Variants in CYTIP observed in about 807,000 individuals in gnomAD.
CYTIP encodes cytohesin 1 interacting protein.
In CYTIP, 26 loss-of-function variants were observed where a neutral mutation model predicts 43.8. The ratio of observed to expected loss-of-function variants is 0.59; its 90% CI spans 0.44 to 0.82. CYTIP has a LOEUF of 0.82. CYTIP is among the 40% of genes least tolerant of loss of function. The pLI is 0.00. For missense variants in CYTIP, 426 were observed against 443.1 expected (o/e 0.96, Z 0.35); for synonymous variants, 162 against 162.9 (o/e 0.99, Z 0.04).
At chr2:157,422,387 G>A (rs1011325881) in intron 6 of CYTIP, among the ~76,000 whole-genome samples, 2 of 152,154 alleles carry the variant, frequency 1.3e-5, no homozygotes, top group Non-Finnish European at 2.9e-5. Flanking sequence ...AGTGTTCAAG[G>A]CCAGGTGCGG....
At position 157,415,538 on chromosome 2, in the gene CYTIP, C is replaced by T. The variant is rs868070452; in HGVS notation, c.*139G>A. 8.5e-5 allele frequency: 54 copies of T among 635,532 alleles called. No individual in the cohort carries two copies. The African/African-American group carries it at 9.4e-4, about 11-fold the overall frequency. The allele number at this position is 635,532 out of a possible 1,614,324, so 39.4% of individuals were successfully genotyped here. On this transcript the variant is annotated 3_prime_UTR_variant, in exon 8 of 8. Coordinates refer to ENST00000264192, the MANE Select transcript of CYTIP (RefSeq NM_004288.5). ...TTAAGAAGCATAAACTATAACACAA[C>T]AATTTAAATAAAGGTCACTATTGCT...
intron 5 of CYTIP, 103 bp from the exon 6 acceptor site, chr2:157,427,523 T>C (rs970640324): frequency 4.0e-6 from 3 of 751,320 alleles, no homozygotes; most frequent in Non-Finnish European, 5.9e-6. Flanking sequence ...TTTGAGCACA[T>C]ACTATACTAA....
intron 1 of CYTIP, among the ~76,000 whole-genome samples, chr2:157,437,926 G>A (rs1449431310): frequency 1.3e-5 from 2 of 152,114 alleles, no homozygotes; most frequent in South Asian, 2.1e-4. Flanking sequence ...CTGTTAGTGG[G>A]AATGTAAATT....
rs187415587 is a variant in CYTIP, at chr2:157,418,657, A to T, written c.547-68T>A. The T allele has an allele frequency of 1.4e-5, 20 of 1,394,058 alleles. No homozygotes were observed. In the African/African-American group the frequency reaches 3.0e-4, roughly 21 times the overall value. The allele number at this position is 1,394,058 out of a possible 1,614,324, so 86.4% of individuals were successfully genotyped here. On this transcript the variant is annotated intron_variant, in intron 6 of 7. Coordinates refer to ENST00000264192, the MANE Select transcript of CYTIP (RefSeq NM_004288.5). ...AAACCCCAGTGAAGCTAGCAATTTAATTCTAGGTGTTGAGATTTGTCATTA... is the reference window on the plus strand; with the variant it reads ...AAACCCCAGTGAAGCTAGCAATTTATTTCTAGGTGTTGAGATTTGTCATTA...
intron 1 of CYTIP, among the ~76,000 whole-genome samples, chr2:157,442,862 T>C (rs1685939909): frequency 6.6e-6 from 1 of 152,168 alleles, no homozygotes; most frequent in South Asian, 2.1e-4. Flanking sequence ...CATGCAAGAC[T>C]TAAGCGCAAA....
intron 3 of CYTIP, 112 bp from the exon 4 acceptor site, chr2:157,431,074 G>T (rs1004000344): frequency 8.5e-6 from 7 of 822,644 alleles, no homozygotes; most frequent in Non-Finnish European, 1.3e-5. Context: ...AAGTTCAAAG[G>T]ACAAAGGATT....
intron 6 of CYTIP, among the ~76,000 whole-genome samples, chr2:157,426,275 G>T (rs1342547457): frequency 1.3e-5 from 2 of 152,122 alleles, no homozygotes; most frequent in African/African-American, 4.8e-5. Context: ...AGTGAGAAAA[G>T]TGAAAGCCAT....
Position 157,416,088 on chromosome 2 carries a change from C to T in CYTIP, c.669G>A (p.Leu223=). Residue 223 remains leucine (L), a synonymous_variant, in exon 8 of 8, where the codon TTG becomes TTA. Coordinates refer to ENST00000264192, the MANE Select transcript of CYTIP (RefSeq NM_004288.5). ...GGCCTGGCCCAGGCAGGGGTCCAAA[C>T]AAAGACAATTCATCCAAGTCCATGT... ...LENMDLDELS[L]FGPLPGPGPA... 1.2e-6 allele frequency: 2 copies of T among 1,613,904 alleles called. No homozygotes were observed. Among genetic ancestry groups the T allele is most frequent in the Non-Finnish European group, 1.7e-6 (2 of 1,179,930 alleles).
chr2:157,442,665 C>A (rs1057448355), intron 1 of CYTIP, among the ~76,000 whole-genome samples: 5 of 152,118 alleles, frequency 3.3e-5, no homozygotes, highest in Non-Finnish European at 7.4e-5. Flanking sequence ...AACTTTGTAT[C>A]ATAAAAGCAC....
At chr2:157,443,730 TCAGC>T in intron 1 of CYTIP, 113 bp downstream of exon 1, 2 of 1,107,842 alleles carry the variant, frequency 1.8e-6, no homozygotes, top group Non-Finnish European at 2.5e-6. Flanking sequence ...CCCATAATAA[TCAGC>T]CAGTAATTCC....
chr2:157,424,485 A>T (rs933912751), intron 6 of CYTIP, among the ~76,000 whole-genome samples: 1 of 152,164 alleles, frequency 6.6e-6, no homozygotes, highest in Non-Finnish European at 1.5e-5. Flanking sequence ...ATAAAAAAAC[A>T]GAATACCATA....
intron 5 of CYTIP, 51 bp downstream of exon 5, chr2:157,430,508 A>C (rs754659685): frequency 6.7e-7 from 1 of 1,503,120 alleles, no homozygotes; most frequent in Admixed American, 1.7e-5. Flanking sequence ...ATCAGGCTTT[A>C]TGAGAAAACA....
At chr2:157,434,505 T>G in intron 2 of CYTIP, 81 bp from the exon 3 acceptor site, 2 of 1,165,014 alleles carry the variant, frequency 1.7e-6, no homozygotes, top group Non-Finnish European at 2.5e-6. Context: ...TAAAAATAAC[T>G]GTCACAATTA....
chr2:157,431,018 C>G, intron 3 of CYTIP, 56 bp from the exon 4 acceptor site: 1 of 1,417,254 alleles, frequency 7.1e-7, no homozygotes, highest in Non-Finnish European at 9.7e-7. Context: ...CATCTATTTG[C>G]CAAAATTTAA....
At chr2:157,427,467 C>T (rs371851385) in intron 5 of CYTIP, 47 bp from the exon 6 acceptor site, 7 of 1,412,776 alleles carry the variant, frequency 5.0e-6, no homozygotes, top group Non-Finnish European at 6.8e-6. Context: ...GAGTGAGTAA[C>T]ATGAGTGATT....
chr2:157,422,247 G>A (rs1685532805), intron 6 of CYTIP, among the ~76,000 whole-genome samples: 4 of 152,218 alleles, frequency 2.6e-5, no homozygotes, highest in Admixed American at 1.3e-4. Flanking sequence ...TTGTGCTGAA[G>A]GGAGAGGCTA....
intron 6 of CYTIP, 145 bp downstream of exon 6, chr2:157,427,206 T>C (rs1292796971): frequency 1.6e-6 from 1 of 641,230 alleles, no homozygotes; most frequent in East Asian, 2.8e-5. Flanking sequence ...CAAAGGTAAT[T>C]GTGCGGCTCT....
Position 157,415,688 on chromosome 2 carries a change from T to C in CYTIP, c.1069A>G (p.Ser357Gly). 1 of 1,606,740 alleles carries C rather than the reference T, an allele frequency of 6.2e-7. No individual in the cohort carries two copies. The highest frequency in any genetic ancestry group is 1.1e-5 in the South Asian group (1 of 90,384). ...GLHRAVEEEESRF is the reference protein window; with the variant it reads ...GLHRAVEEEEGRF ...GACACCACAATCCGTCAAAAGCGAC[T>C]TTCTTCCTCTTCCACAGCACGATGA... Residue 357 changes from serine (S) to glycine (G), a missense_variant, in exon 8 of 8, where the codon AGT becomes GGT. Ser to Gly is a moderately conservative substitution (Grantham distance 56). Transcript: ENST00000264192.
At chr2:157,429,948 G>A (rs1201624093) in intron 5 of CYTIP, among the ~76,000 whole-genome samples, 1 of 151,714 alleles carries the variant, frequency 6.6e-6, no homozygotes, top group Non-Finnish European at 1.5e-5. Context: ...GCGTGAACCT[G>A]GGAGGCAGAG....
Sources: allele counts gnomAD v4.1 joint callset (sites outside exome capture counted in the v4.1 genomes callset), GRCh38; gene constraint gnomAD v4.1.1; transcripts MANE v1.5; gene names NCBI Gene and HGNC (gene_info 2026-07-23, HGNC 2026-07-21).